Variants in DTWD2 observed in about 807,000 individuals in gnomAD.
The protein encoded by DTWD2 is DTW motif tRNA-uridine aminocarboxypropyltransferase 2, also known as tRNA-uridine aminocarboxypropyltransferase 2.
Under a neutral mutation model 31.8 loss-of-function variants are expected in DTWD2, and 39 were observed. The ratio of observed to expected loss-of-function variants is 1.22; its 90% CI spans 0.95 to 1.60. The LOEUF is 1.60. Among genes scored for constraint, DTWD2 ranks in the 40% most tolerant of loss-of-function variants. DTWD2 has a pLI of 0.00. For synonymous variants in DTWD2, 180 were observed against 142.8 expected, an observed-to-expected ratio of 1.26 and a Z score of -1.86; for missense variants, 515 against 381.5, an observed-to-expected ratio of 1.35 and a Z score of -2.92.
chr5:118,961,260 G>A (rs1486567325), intron 1 of DTWD2, among the ~76,000 whole-genome samples: 2 of 152,062 alleles, frequency 1.3e-5, no homozygotes, highest in African/African-American at 4.8e-5. Context: ...ATCATCTCAC[G>A]TTCAGTTAAC....
At chr5:118,985,513 T>TAC (rs1388704157) in intron 1 of DTWD2, among the ~76,000 whole-genome samples, 3 of 129,370 alleles carry the variant, frequency 2.3e-5, no homozygotes, top group Admixed American at 1.6e-4. Flanking sequence ...TATATATATA[T>TAC]ATATACACAC....
At chr5:118,895,188 G>A (rs953613804) in intron 4 of DTWD2, among the ~76,000 whole-genome samples, 1 of 152,042 alleles carries the variant, frequency 6.6e-6, no homozygotes, top group South Asian at 2.1e-4. Context: ...AAATCAACAC[G>A]CAAAAATGAT....
chr5:118,981,003 A>C (rs1460243464), intron 1 of DTWD2, among the ~76,000 whole-genome samples: 1 of 152,272 alleles, frequency 6.6e-6, no homozygotes, highest in African/African-American at 2.4e-5. Flanking sequence ...GGTTATACAC[A>C]TAAAATTCAG....
At chr5:118,891,041 T>C (rs1752967477) in intron 4 of DTWD2, among the ~76,000 whole-genome samples, 1 of 152,220 alleles carries the variant, frequency 6.6e-6, no homozygotes, top group Non-Finnish European at 1.5e-5. Context: ...TACATATTTA[T>C]ACAACAACTT....
chr5:118,946,300 T>C (rs1754337487), intron 1 of DTWD2, among the ~76,000 whole-genome samples: 1 of 152,078 alleles, frequency 6.6e-6, no homozygotes, highest in South Asian at 2.1e-4. Context: ...CTCAGGAATA[T>C]GAGGAGATTT....
intron 4 of DTWD2, among the ~76,000 whole-genome samples, chr5:118,898,092 T>C (rs1360577272): frequency 6.6e-6 from 1 of 151,996 alleles, no homozygotes; most frequent in African/African-American, 2.4e-5. Flanking sequence ...CTCAAACCCC[T>C]GGACTCAAGT....
At chr5:118,981,887 C>A (rs1476410425) in intron 1 of DTWD2, among the ~76,000 whole-genome samples, 8 of 152,158 alleles carry the variant, frequency 5.3e-5, no homozygotes, top group African/African-American at 1.9e-4. Flanking sequence ...GGCAGAGAAA[C>A]ACCTCATGTA....
In DTWD2 at chr5:118,841,036, C is replaced by G; in HGVS notation, c.778G>C (p.Ala260Pro). 1 of 1,613,374 alleles carries G rather than the reference C, an allele frequency of 6.2e-7. No homozygotes were observed. Among genetic ancestry groups the G allele is most frequent in the Non-Finnish European group, 8.5e-7 (1 of 1,179,672 alleles). ...ALCSFQLQHG[A>P]QIRLSKEHLL... is the part of the protein sequence containing the mutation. ...TGTTCCTTGCTGAGGCGAATTTGGG[C>G]ACCATGCTGAAGTTGAAAGGAGCAT... The change falls in exon 6 of 6, where the codon GCC becomes CCC. Residue 260 changes from alanine to proline, a missense_variant. Coordinates refer to ENST00000510708, the MANE Select transcript of DTWD2 (RefSeq NM_173666.4).
chr5:118,913,944 A>T (rs1304895666), intron 4 of DTWD2, among the ~76,000 whole-genome samples: 1 of 150,962 alleles, frequency 6.6e-6, no homozygotes, highest in Admixed American at 6.5e-5. Flanking sequence ...AGAACATTAA[A>T]AAGTGAAAGT....
chr5:118,978,221 A>T (rs1755211151), intron 1 of DTWD2, among the ~76,000 whole-genome samples: 1 of 152,206 alleles, frequency 6.6e-6, no homozygotes, highest in South Asian at 2.1e-4. Context: ...TACAAAAACT[A>T]ACTCAAGATG....
At chr5:118,931,190 C>T (rs539490251) in intron 3 of DTWD2, among the ~76,000 whole-genome samples, 1 of 152,028 alleles carries the variant, frequency 6.6e-6, no homozygotes, top group South Asian at 2.1e-4. Flanking sequence ...CCCAAGAGTT[C>T]AACATCAGCC....
intron 4 of DTWD2, among the ~76,000 whole-genome samples, chr5:118,892,188 A>C (rs1345018889): frequency 6.6e-6 from 1 of 152,146 alleles, no homozygotes; most frequent in African/African-American, 2.4e-5. Flanking sequence ...AATTTTAATC[A>C]AAAATATTTA....
At chr5:118,977,397 G>A (rs931339148) in intron 1 of DTWD2, among the ~76,000 whole-genome samples, 2 of 152,170 alleles carry the variant, frequency 1.3e-5, no homozygotes, top group Admixed American at 6.5e-5. Flanking sequence ...AAGTCAAATT[G>A]TATCTGTTTG....
At chr5:118,922,298 G>GA (rs1287739507) in intron 4 of DTWD2, among the ~76,000 whole-genome samples, 1 of 152,090 alleles carries the variant, frequency 6.6e-6, no homozygotes, top group African/African-American at 2.4e-5. Context: ...TTAGGAGGGC[G>GA]AAAAAACTAT....
At chr5:118,954,177 AGGAAG>A (rs1754530464) in intron 1 of DTWD2, among the ~76,000 whole-genome samples, 1 of 152,188 alleles carries the variant, frequency 6.6e-6, no homozygotes, top group Non-Finnish European at 1.5e-5. Context: ...AGGCTGAAAC[AGGAAG>A]ACTGCTCATA....
intron 4 of DTWD2, among the ~76,000 whole-genome samples, chr5:118,868,205 C>A (rs1182310668): frequency 6.6e-6 from 1 of 151,808 alleles, no homozygotes; most frequent in Non-Finnish European, 1.5e-5. Flanking sequence ...ATACGAGATA[C>A]CCACATGCAA....
intron 4 of DTWD2, among the ~76,000 whole-genome samples, chr5:118,869,816 G>C (rs1172032209): frequency 6.6e-6 from 1 of 152,156 alleles, no homozygotes; most frequent in African/African-American, 2.4e-5. Context: ...CTGGATGTGT[G>C]TCTCTCCAAA....
At chr5:118,900,411 C>T (rs1048871705) in intron 4 of DTWD2, among the ~76,000 whole-genome samples, 1 of 151,928 alleles carries the variant, frequency 6.6e-6, no homozygotes, top group Non-Finnish European at 1.5e-5. Flanking sequence ...CACAATAATG[C>T]TACAAAACTG....
chr5:118,941,034 G>T (rs990357152), intron 2 of DTWD2, among the ~76,000 whole-genome samples: 3 of 151,930 alleles, frequency 2.0e-5, no homozygotes, highest in Non-Finnish European at 4.4e-5. Context: ...CCTACTCTTT[G>T]AAATGCTCCA....
Sources: allele counts gnomAD v4.1 joint callset (sites outside exome capture counted in the v4.1 genomes callset), GRCh38; gene constraint gnomAD v4.1.1; transcripts MANE v1.5; gene names NCBI Gene and HGNC (gene_info 2026-07-23, HGNC 2026-07-21).